IDUA: variants seen among roughly 807,000 people sequenced by gnomAD.
IDUA encodes the protein alpha-L-iduronidase, also known as iduronidase alpha-L-.
In IDUA, 65 loss-of-function variants were observed where a neutral mutation model predicts 68.9. The ratio of observed to expected loss-of-function variants is 0.94; its 90% CI spans 0.77 to 1.16. The LOEUF (loss-of-function observed/expected upper bound fraction) is 1.16, where lower values mean the gene tolerates loss of function less well. IDUA is among the 50% of genes most tolerant of loss of function. The pLI is 0.00. For synonymous variants in IDUA, 529 were observed against 433.6 expected (o/e 1.22, Z -2.73); for missense variants, 1,046 against 938.0 (o/e 1.12, Z -1.50).
At chr4:990,452 C>A in intron 2 of IDUA, 1 of 1,269,676 alleles carries the variant, frequency 7.9e-7, no homozygotes, top group Non-Finnish European at 1.1e-6. Flanking sequence ...GGGTGGTGGT[C>A]ACGGCACAGG....
intron 2 of IDUA, chr4:990,695 T>A: frequency 2.4e-6 from 1 of 421,668 alleles, no homozygotes; most frequent in East Asian, 4.3e-5. Flanking sequence ...TGCTGCTTCC[T>A]ACACATGGTG....
chr4:1,001,630 AG>A, intron 5 of IDUA, 48 bp from the exon 6 acceptor site: 1 of 1,608,042 alleles, frequency 6.2e-7, no homozygotes, highest in Middle Eastern at 1.6e-4. Context: ...GCAGAGGCTA[AG>A]CCGCTCATCC....
chr4:1,003,380 C>G lies in IDUA; in HGVS notation c.1560C>G (p.Ala520=). Residue 520 remains alanine, a synonymous_variant, in exon 11 of 14, where the codon GCC becomes GCG. Transcript: ENST00000514224. ...CCGCGGCGCCCCGCCCCTTACCCGC[C>G]GGCGGCCGCCTGACCCTGCGCCCCG... ...PVAAAPRPLP[A]GGRLTLRPAL... 4 of 1,491,538 alleles carry G rather than the reference C, an allele frequency of 2.7e-6. No homozygotes were observed. In the South Asian group the frequency reaches 3.8e-5, roughly 14 times the overall value. The allele number at this position is 1,491,538 out of a possible 1,614,324, so 92.4% of individuals were successfully genotyped here. A position where few individuals can be genotyped will look rare whatever the true frequency, so the allele number is the denominator to read the frequency against.
Position 1,004,534 on chromosome 4 carries a change from C to A in IDUA, c.*141C>A. The A allele has an allele frequency of 1.1e-6, 1 of 884,624 alleles. No individual in the cohort carries two copies. Among genetic ancestry groups the A allele is most frequent in the Non-Finnish European group, 1.7e-6 (1 of 597,288 alleles). 54.8% of individuals were successfully genotyped at this position (884,624 alleles called of 1,614,324 possible). A position where few individuals can be genotyped will look rare whatever the true frequency, so the allele number is the denominator to read the frequency against. ...ATTTTCTTTTATATCTTGGTACCAA[C>A]GCCCCCTTTAAAGCGGCTTTGCACA... is the stretch of plus-strand genomic sequence containing the variant. On this transcript the variant is annotated 3_prime_UTR_variant, in exon 14 of 14. Coordinates refer to ENST00000514224, the MANE Select transcript of IDUA (RefSeq NM_000203.5). This position sits in a 1 kb window ranked among gnomAD's most constrained non-coding sequence, Gnocchi z 5.0.
At position 989,211 on chromosome 4, in the gene IDUA, C is replaced by G. The variant is rs1349632588; in HGVS notation, c.299+1262C>G. On this transcript the variant is annotated intron_variant, in intron 2 of 13. Coordinates refer to ENST00000514224, the MANE Select transcript of IDUA (RefSeq NM_000203.5). ...CCTCACCGACCCCCGTCTCTGAGCCCCCCTCCTTCCTCCTGGCAGCCATGC... is the reference window on the plus strand; with the variant it reads ...CCTCACCGACCCCCGTCTCTGAGCCGCCCTCCTTCCTCCTGGCAGCCATGC... 3.1e-6 allele frequency: 5 copies of G among 1,609,854 alleles called. No homozygotes were observed. In the African/African-American group the frequency reaches 4.0e-5, roughly 13 times the overall value.
At chr4:997,449 C>T (rs893128372) in intron 2 of IDUA, among the ~76,000 whole-genome samples, 1 of 151,408 alleles carries the variant, frequency 6.6e-6, no homozygotes, top group Non-Finnish European at 1.5e-5. Context: ...ACTCACCAGG[C>T]CCGGCAGCCG....
chr4:987,293 G>GT, intron 1 of IDUA, 51 bp downstream of exon 1: 1 of 1,480,906 alleles, frequency 6.8e-7, no homozygotes, highest in East Asian at 2.7e-5. Flanking sequence ...GGAGAGCTCG[G>GT]GCGCCCCCTG....
At chr4:1,000,517 C>G in intron 2 of IDUA, 95 bp from the exon 3 acceptor site, 1 of 981,874 alleles carries the variant, frequency 1.0e-6, no homozygotes, top group Non-Finnish European at 1.7e-6. Context: ...TGGCACCTTG[C>G]AGGCTCCCAC....
chr4:990,157 A>G lies in IDUA; in HGVS notation c.299+2208A>G, dbSNP rs145990235. ...CACCGTGCTGGTGACCACGTCGCAC[A>G]CGTTGGCCTGCCCGGCGCCGCGCAG... is the stretch of plus-strand genomic sequence containing the variant. On this transcript the variant is annotated intron_variant, in intron 2 of 13. Coordinates refer to ENST00000514224, the MANE Select transcript of IDUA (RefSeq NM_000203.5). The G allele has an allele frequency of 8.3e-6, 13 of 1,564,078 alleles. No individual in the cohort carries two copies. In the African/African-American group the frequency reaches 1.4e-4, roughly 16 times the overall value.
At chr4:992,169 T>C (rs531985441) in intron 2 of IDUA, 1 of 464,228 alleles carries the variant, frequency 2.2e-6, no homozygotes, top group African/African-American at 2.0e-5. Flanking sequence ...TCACAGTCAC[T>C]GGACACAGGT....
intron 2 of IDUA, chr4:989,266 A>C (rs1232539735): frequency 2.5e-6 from 4 of 1,612,648 alleles, no homozygotes; most frequent in Non-Finnish European, 3.4e-6. Flanking sequence ...GAGGCTGTAG[A>C]GTGACTGCAG....
chr4:998,558 C>T (rs898816888), intron 2 of IDUA, among the ~76,000 whole-genome samples: 7 of 152,158 alleles, frequency 4.6e-5, no homozygotes, highest in African/African-American at 1.7e-4. Context: ...CTCTGCTTCT[C>T]ACTCCAGGCT....
chr4:990,731 AG>A, intron 2 of IDUA: 1 of 397,076 alleles, frequency 2.5e-6, no homozygotes, highest in Non-Finnish European at 4.6e-6. Context: ...GCAGATGTGG[AG>A]CCAACGGGGG....
Position 991,286 on chromosome 4 carries a change from C to T in IDUA, c.299+3337C>T, listed in dbSNP as rs1163549645. The T allele has an allele frequency of 3.1e-6, 5 of 1,612,558 alleles. No individual in the cohort carries two copies. The highest frequency in any genetic ancestry group is 3.3e-4 in the Middle Eastern group (2 of 6,082). ...GGGTCAAAGCCGGCCAGCTGGAGCT[C>T]CCGGTCCACCACCTGCCCCACCATG... On this transcript the variant is annotated intron_variant, in intron 2 of 13. Transcript: ENST00000514224.
chr4:1,003,293 C>G, intron 10 of IDUA, 52 bp from the exon 11 acceptor site: 2 of 1,385,812 alleles, frequency 1.4e-6, no homozygotes, highest in Admixed American at 3.7e-5. Context: ...GAGGTCGGGC[C>G]GAGCGTCCCC....
At position 1,003,051 on chromosome 4, in the gene IDUA, C is replaced by A; in HGVS notation, c.1418C>A (p.Thr473Lys). 6.6e-7 allele frequency: 1 copy of A among 1,513,842 alleles called. No individual in the cohort carries two copies. The highest frequency in any genetic ancestry group is 2.7e-5 in the East Asian group (1 of 36,536). The allele number at this position is 1,513,842 out of a possible 1,614,324, so 93.8% of individuals were successfully genotyped here. Residue 473 changes from threonine (T) to lysine (K), a missense_variant, in exon 10 of 14, where the codon ACG becomes AAG. Transcript: ENST00000514224. ...VPPGPGLVYV[T>K]RYLDNGLCSP... ...GGCCCCGCAGGCCTGGTCTACGTCA[C>A]GCGCTACCTGGACAACGGGCTCTGC...
In IDUA at chr4:1,002,377, G is replaced by C. The variant is rs6831280; in HGVS notation, c.1081G>C (p.Ala361Pro). The change falls in exon 8 of 14, where the codon GCG (alanine) becomes CCG (proline). Residue 361 changes from alanine (A) to proline (P), a missense_variant. Coordinates refer to ENST00000514224, the MANE Select transcript of IDUA (RefSeq NM_000203.5). ...AFLSYHPHPFAQRTLTARFQV... is the reference protein window; with the variant it reads ...AFLSYHPHPFPQRTLTARFQV... ...CCTGAGCTACCACCCGCACCCCTTC[G>C]CGCAGCGCACGCTCACCGCGCGCTT... 3 of 1,611,138 alleles carry C rather than the reference G, an allele frequency of 1.9e-6. No individual in the cohort carries two copies. The highest frequency in any genetic ancestry group is 1.7e-6 in the Non-Finnish European group (2 of 1,178,904).
intron 2 of IDUA, chr4:989,303 G>T (rs1414130275): frequency 2.5e-6 from 4 of 1,612,296 alleles, no homozygotes; most frequent in Non-Finnish European, 3.4e-6. Context: ...GCATAGTACA[G>T]CGGCCCCCCA....
In IDUA at chr4:1,000,690, C is replaced by T. The variant is rs751124890; in HGVS notation, c.378C>T (p.Leu126=). ...GYLDLLRENQ[L]LPGFELMGSA... is the part of the protein sequence containing the mutation. ...TGGACCTTCTCAGGGAGAACCAGCT[C>T]CTCCCAGGTGAGCTGTGGGCTCTGC... The change falls in exon 3 of 14, where the codon CTC becomes CTT. Residue 126 remains leucine, a synonymous_variant. Transcript: ENST00000514224. The T allele has an allele frequency of 1.2e-6, 2 of 1,610,652 alleles. No individual in the cohort carries two copies. Among genetic ancestry groups the T allele is most frequent in the Admixed American group, 3.3e-5 (2 of 60,020 alleles).
Sources: gnomAD v4.1 joint callset for allele counts (sites outside exome capture counted in the v4.1 genomes callset) on GRCh38, gnomAD v4.1.1 for gene constraint, Gnocchi (gnomAD v3.1) non-coding constraint, MANE v1.5 for transcripts, NCBI Gene and HGNC (gene_info 2026-07-23, HGNC 2026-07-21) for gene names.